Variants in CCDC7 observed in about 807,000 individuals in gnomAD.
The protein encoded by CCDC7 is coiled-coil domain containing 7.
In CCDC7, 183 loss-of-function variants were observed where a neutral mutation model predicts 196.9. The ratio of observed to expected loss-of-function variants is 0.93; its 90% CI spans 0.82 to 1.05. The LOEUF is 1.05. CCDC7 is among the 50% of genes least tolerant of loss of function. The probability of loss-of-function intolerance (pLI) is 0.00; values close to 1 mark genes in which losing one functional copy is unlikely to be tolerated. For synonymous variants in CCDC7, 525 were observed against 484.6 expected, an observed-to-expected ratio of 1.08 and a Z score of -1.10; for missense variants, 1,540 against 1,482.2, an observed-to-expected ratio of 1.04 and a Z score of -0.64.
At chr10:32,737,095 T>C (rs1252454513) in intron 28 of CCDC7, among the ~76,000 whole-genome samples, 2 of 152,188 alleles carry the variant, frequency 1.3e-5, no homozygotes, top group Non-Finnish European at 2.9e-5. Flanking sequence ...TGCCAAATGA[T>C]GTTTCTTCAT....
chr10:32,774,366 C>T (rs1391096187), intron 28 of CCDC7, among the ~76,000 whole-genome samples: 3 of 151,976 alleles, frequency 2.0e-5, no homozygotes, highest in Non-Finnish European at 4.4e-5. Flanking sequence ...TGGGACAGGA[C>T]TGGAGTGAGC....
chr10:32,737,144 T>C (rs2084996397), intron 28 of CCDC7, among the ~76,000 whole-genome samples: 1 of 152,160 alleles, frequency 6.6e-6, no homozygotes, highest in African/African-American at 2.4e-5. Context: ...AGTCTGTTGA[T>C]GTGGTGGATT....
chr10:32,549,588 G>A (rs1324222925), intron 13 of CCDC7, among the ~76,000 whole-genome samples: 1 of 152,154 alleles, frequency 6.6e-6, no homozygotes, highest in Non-Finnish European at 1.5e-5. Context: ...GTTGATTTAT[G>A]TATAAGGTGA....
chr10:32,782,887 A>G (rs2081279139), intron 29 of CCDC7, among the ~76,000 whole-genome samples: 1 of 152,208 alleles, frequency 6.6e-6, no homozygotes, highest in Non-Finnish European at 1.5e-5. Flanking sequence ...TGCCAATACC[A>G]TTTACTGGTA....
intron 23 of CCDC7, among the ~76,000 whole-genome samples, chr10:32,690,997 T>G (rs1009074874): frequency 9.9e-5 from 15 of 152,202 alleles, no homozygotes; most frequent in African/African-American, 3.1e-4. Context: ...TGTCAGAGGT[T>G]GTGGGGATCA....
intron 28 of CCDC7, among the ~76,000 whole-genome samples, chr10:32,761,335 G>C (rs928716832): frequency 2.0e-5 from 3 of 151,960 alleles, no homozygotes; most frequent in African/African-American, 7.2e-5. Context: ...AGAACAAAGA[G>C]AGCACTGATA....
chr10:32,466,651 G>A (rs1175808079), intron 5 of CCDC7, among the ~76,000 whole-genome samples: 1 of 152,100 alleles, frequency 6.6e-6, no homozygotes, highest in African/African-American at 2.4e-5. Context: ...TATGTACCAC[G>A]TTTTCTTTAT....
chr10:32,468,151 C>T (rs1588880060), intron 5 of CCDC7, among the ~76,000 whole-genome samples: 1 of 152,114 alleles, frequency 6.6e-6, no homozygotes, highest in African/African-American at 2.4e-5. Context: ...ATAGGAATAT[C>T]ATTGGATTTA....
intron 28 of CCDC7, among the ~76,000 whole-genome samples, chr10:32,734,527 C>T (rs1286009049): frequency 2.0e-5 from 3 of 152,094 alleles, no homozygotes; most frequent in African/African-American, 7.2e-5. Context: ...ATCTGTACAA[C>T]AAACCTCCAT....
intron 20 of CCDC7, among the ~76,000 whole-genome samples, chr10:32,657,216 G>A (rs2070139789): frequency 6.6e-6 from 1 of 152,150 alleles, no homozygotes; most frequent in Non-Finnish European, 1.5e-5. Flanking sequence ...TCCATTCTGG[G>A]GTCTGGAGGA....
chr10:32,597,555 C>T (rs1233513421), intron 18 of CCDC7, among the ~76,000 whole-genome samples: 2 of 152,174 alleles, frequency 1.3e-5, no homozygotes, highest in South Asian at 2.1e-4. Flanking sequence ...CAGCTTTGTT[C>T]GGTTGCTGGT....
chr10:32,643,368 G>A (rs188950137), intron 20 of CCDC7, among the ~76,000 whole-genome samples: 1 of 151,738 alleles, frequency 6.6e-6, no homozygotes, highest in Non-Finnish European at 1.5e-5. Flanking sequence ...TCATCTACTT[G>A]TTTTCTGTCT....
At chr10:32,485,004 T>C (rs1187964256) in intron 8 of CCDC7, among the ~76,000 whole-genome samples, 1 of 152,262 alleles carries the variant, frequency 6.6e-6, no homozygotes, top group Non-Finnish European at 1.5e-5. Flanking sequence ...AGGATGATGC[T>C]GGCCTCATAA....
chr10:32,728,030 A>G (rs907320343), intron 26 of CCDC7, among the ~76,000 whole-genome samples: 1 of 152,144 alleles, frequency 6.6e-6, no homozygotes, highest in Non-Finnish European at 1.5e-5. Context: ...CCAAGCGATC[A>G]GAGCCCAAGC....
chr10:32,837,720 A>G (rs1459724059), intron 33 of CCDC7, among the ~76,000 whole-genome samples: 1 of 152,050 alleles, frequency 6.6e-6, no homozygotes, highest in Non-Finnish European at 1.5e-5. Context: ...TGTGGCACAT[A>G]TACACCATGG....
rs150404867 is a variant in CCDC7, at chr10:32,558,215, C to A, written c.1135-7343C>A. On this transcript the variant is annotated intron_variant, in intron 13 of 41. Coordinates refer to ENST00000639629, the Ensembl canonical transcript of CCDC7. ...CAAGTATTTCTAAATTATATCCTGGCTATTATGAATATCATATTCTTGAAA... is the reference window on the plus strand; with the variant it reads ...CAAGTATTTCTAAATTATATCCTGGATATTATGAATATCATATTCTTGAAA... Among the ~76,000 whole-genome samples the A allele has an allele frequency of 1.4e-4, 22 of 152,102 alleles. No homozygotes were observed. The East Asian group carries it at 4.0e-3, about 28-fold the overall frequency.
At chr10:32,579,307 T>C (rs989139322) in intron 16 of CCDC7, among the ~76,000 whole-genome samples, 5 of 152,212 alleles carry the variant, frequency 3.3e-5, no homozygotes, top group African/African-American at 1.2e-4. Flanking sequence ...AAAAATACTT[T>C]ATTTTTATGT....
chr10:32,561,112 G>C (rs924268398), intron 13 of CCDC7, among the ~76,000 whole-genome samples: 12 of 152,110 alleles, frequency 7.9e-5, no homozygotes, highest in Non-Finnish European at 1.2e-4. Flanking sequence ...ACAAGAAGAG[G>C]TAACTATCCT....
upstream of CCDC7, among the ~76,000 whole-genome samples, chr10:32,449,338 C>A (rs1410031054): frequency 6.6e-6 from 1 of 152,114 alleles, no homozygotes; most frequent in Admixed American, 6.5e-5. Flanking sequence ...AGGTGCCCAC[C>A]ACCACGCCTG....
Sources: gnomAD v4.1 joint callset for allele counts (sites outside exome capture counted in the v4.1 genomes callset) on GRCh38, gnomAD v4.1.1 for gene constraint, MANE v1.5 for transcripts, NCBI Gene and HGNC (gene_info 2026-07-23, HGNC 2026-07-21) for gene names.